The following COL23A1 variants were observed in gnomAD, a reference collection of about 807,000 sequenced individuals.
COL23A1 encodes the protein collagen type XXIII alpha 1 chain, also known as collagen alpha-1(XXIII) chain.
Under a neutral mutation model 99.3 loss-of-function variants are expected in COL23A1, and 97 were observed. The ratio of observed to expected loss-of-function variants is 0.98; its 90% CI spans 0.83 to 1.16. The LOEUF (loss-of-function observed/expected upper bound fraction) is 1.16. Ranked by LOEUF, COL23A1 falls within the 50% of genes most tolerant of loss-of-function variation. The pLI, the probability that COL23A1 is intolerant of heterozygous loss-of-function variation, is 0.00. For synonymous variants in COL23A1, 320 were observed against 308.2 expected (o/e 1.04, Z -0.40); for missense variants, 762 against 757.4 (o/e 1.01, Z -0.07).
At chr5:178,358,318 GTGTATGTGTA>G (rs1332931756) in intron 2 of COL23A1, among the ~76,000 whole-genome samples, 1 of 149,512 alleles carries the variant, frequency 6.7e-6, no homozygotes, top group South Asian at 2.1e-4. Context: ...GTGTGTGTAT[GTGTATGTGTA>G]TGTATGTCTA....
At chr5:178,492,737 T>C (rs763299528) in intron 2 of COL23A1, among the ~76,000 whole-genome samples, 6 of 151,674 alleles carry the variant, frequency 4.0e-5, no homozygotes, top group African/African-American at 7.3e-5. Context: ...CCTGTTCCCA[T>C]AGAGGCCCCA....
At chr5:178,451,400 A>G (rs1561983510) in intron 2 of COL23A1, among the ~76,000 whole-genome samples, 1 of 152,296 alleles carries the variant, frequency 6.6e-6, no homozygotes, top group East Asian at 1.9e-4. Context: ...TCACACCTGT[A>G]ATCCCAGCAC....
At chr5:178,268,789 G>C (rs770925771) in intron 6 of COL23A1, 33 bp from the exon 7 acceptor site, 12 of 1,591,356 alleles carry the variant, frequency 7.5e-6, no homozygotes, top group Non-Finnish European at 9.4e-6. Context: ...GAACAGACCT[G>C]AGTGAGGGGC....
At chr5:178,420,971 G>T (rs1289336059) in intron 2 of COL23A1, among the ~76,000 whole-genome samples, 2 of 151,970 alleles carry the variant, frequency 1.3e-5, no homozygotes, top group Non-Finnish European at 2.9e-5. Flanking sequence ...GCGTGGGGGG[G>T]TCACAGGATC....
Position 178,281,082 on chromosome 5 carries a change from G to A in COL23A1, c.441+7242C>T, listed in dbSNP as rs1483556196. Among the ~76,000 whole-genome samples the A allele has an allele frequency of 6.6e-6, 1 of 152,174 alleles. No homozygotes were observed. The highest frequency in any genetic ancestry group is 1.5e-5 in the Non-Finnish European group (1 of 68,020). On this transcript the variant is annotated intron_variant, in intron 5 of 28. Coordinates refer to ENST00000390654, the MANE Select transcript of COL23A1 (RefSeq NM_173465.4). The surrounding 1 kb of genome is among the most constrained non-coding windows in gnomAD (Gnocchi z 4.0). ...ATCTCCCTGAGGTTCCAGTCTGCGT[G>A]CCATTATCAGGGACTCCGGAGTCGG... is the stretch of plus-strand genomic sequence containing the variant.
intron 2 of COL23A1, among the ~76,000 whole-genome samples, chr5:178,491,821 G>A (rs1483385578): frequency 2.0e-5 from 3 of 151,986 alleles, no homozygotes; most frequent in Admixed American, 1.3e-4. Flanking sequence ...AGCAACCTCC[G>A]CCTCCCGGGT....
chr5:178,344,458 G>A (rs1223543276), intron 2 of COL23A1, among the ~76,000 whole-genome samples: 1 of 152,124 alleles, frequency 6.6e-6, no homozygotes, highest in East Asian at 1.9e-4. Context: ...CCAATATGGT[G>A]AAACCCCGTC....
chr5:178,424,325 G>A (rs1300780330), intron 2 of COL23A1, among the ~76,000 whole-genome samples: 1 of 152,252 alleles, frequency 6.6e-6, no homozygotes, highest in Non-Finnish European at 1.5e-5. Flanking sequence ...GGCATGGAAT[G>A]TCGTGTGAAT....
At position 178,434,224 on chromosome 5, in the gene COL23A1, C is replaced by T. The variant is rs970526933; in HGVS notation, c.361+126458G>A. ...GAAGTGGGCTGCCCCAGGTCACACA[C>T]TGATGCCCCAGGTCACACTGTGGGT... On this transcript the variant is annotated intron_variant, in intron 2 of 28. Transcript: ENST00000390654. The surrounding 1 kb of genome is among the most constrained non-coding windows in gnomAD (Gnocchi z 4.3). Among the ~76,000 whole-genome samples the T allele has an allele frequency of 2.0e-5, 3 of 152,228 alleles. No homozygotes were observed. The highest frequency in any genetic ancestry group is 3.8e-4 in the East Asian group (2 of 5,204).
At chr5:178,377,702 G>A (rs28488884) in intron 2 of COL23A1, among the ~76,000 whole-genome samples, 15,785 of 152,152 alleles carry the variant, frequency 0.1, 1,656 homozygotes, top group African/African-American at 0.27. Context: ...GGACAAGCGC[G>A]CGAGTCACGG....
At chr5:178,436,575 T>C (rs1257948420) in intron 2 of COL23A1, among the ~76,000 whole-genome samples, 2 of 152,194 alleles carry the variant, frequency 1.3e-5, no homozygotes, top group Non-Finnish European at 2.9e-5. Context: ...AAGGATGCCC[T>C]AGGGCTGACT....
intron 2 of COL23A1, among the ~76,000 whole-genome samples, chr5:178,518,912 T>C (rs1231932845): frequency 7.3e-6 from 1 of 137,402 alleles, no homozygotes; most frequent in Non-Finnish European, 1.5e-5. Flanking sequence ...CTGAACTCCA[T>C]CCTCCCGGCG....
At chr5:178,511,219 A>G (rs1759189148) in intron 2 of COL23A1, among the ~76,000 whole-genome samples, 2 of 152,216 alleles carry the variant, frequency 1.3e-5, no homozygotes, top group Admixed American at 1.3e-4. Context: ...ACCGTGGGAC[A>G]TTCACTGAGG....
At chr5:178,459,248 TA>T (rs58877655) in intron 2 of COL23A1, among the ~76,000 whole-genome samples, 13,712 of 152,216 alleles carry the variant, frequency 0.09, 1,514 homozygotes, top group East Asian at 0.49. Flanking sequence ...GGTGATTTTT[TA>T]AAATGCCTTT....
chr5:178,388,606 C>T (rs1214679141), intron 2 of COL23A1, among the ~76,000 whole-genome samples: 6 of 152,174 alleles, frequency 3.9e-5, no homozygotes, highest in Non-Finnish European at 1.5e-5. Flanking sequence ...TCATCAACTT[C>T]CTCCCCTGGT....
At chr5:178,561,502 C>A (rs1435383396) in intron 1 of COL23A1, among the ~76,000 whole-genome samples, 1 of 152,174 alleles carries the variant, frequency 6.6e-6, no homozygotes, top group East Asian at 1.9e-4. Flanking sequence ...TATGGGCACC[C>A]CTGAGGCCAG....
At chr5:178,402,980 C>T (rs552114512) in intron 2 of COL23A1, among the ~76,000 whole-genome samples, 36 of 151,374 alleles carry the variant, frequency 2.4e-4, no homozygotes, top group African/African-American at 8.7e-4. Context: ...TGGCAGTGTG[C>T]ACCCACAGTC....
chr5:178,481,614 C>T lies in COL23A1; in HGVS notation c.361+79068G>A, dbSNP rs983230721. Among the ~76,000 whole-genome samples, 8 of 152,086 alleles carry T rather than the reference C, an allele frequency of 5.3e-5. No homozygotes were observed. The South Asian group carries it at 6.2e-4, about 12-fold the overall frequency. ...AAGGTATACAAATGCCCAGTAAACA[C>T]GTGAAAAGATGCTCAATATTATTAG... On this transcript the variant is annotated intron_variant, in intron 2 of 28. Coordinates refer to ENST00000390654, the MANE Select transcript of COL23A1 (RefSeq NM_173465.4).
Position 178,256,368 on chromosome 5 carries a change from T to G in COL23A1, c.867A>C (p.Gly289=). 1 of 1,606,502 alleles carries G rather than the reference T, an allele frequency of 6.2e-7. No homozygotes were observed. The highest frequency in any genetic ancestry group is 8.5e-7 in the Non-Finnish European group (1 of 1,175,930). ...GGCAGCTTACCCGGGGCCCTGCAGC[T>G]CCATCCGTGCCTCGGTGGCCAGGCT... is the stretch of plus-strand genomic sequence containing the variant. ...KGEPGHRGTD[G]AAGPRGAPGL... Residue 289 remains glycine, a synonymous_variant, in exon 15 of 29, where the codon GGA becomes GGC. Coordinates refer to ENST00000390654, the MANE Select transcript of COL23A1 (RefSeq NM_173465.4).
Sources: gnomAD v4.1 joint callset for allele counts (sites outside exome capture counted in the v4.1 genomes callset) on GRCh38, gnomAD v4.1.1 for gene constraint, Gnocchi (gnomAD v3.1) non-coding constraint, MANE v1.5 for transcripts, NCBI Gene and HGNC (gene_info 2026-07-23, HGNC 2026-07-21) for gene names.